Variants in CSNK2A2IP observed in about 807,000 individuals in gnomAD.
CSNK2A2IP encodes casein kinase II subunit alpha'-interacting protein.
the CSNK2A2IP span, chr3:88,338,759 A>C: frequency 1.6e-4 from 24 of 152,234 alleles, no homozygotes; most frequent in African/African-American, 5.8e-4. Flanking sequence ...TATTTTTTTC[A>C]GTATATGCTG....
At chr3:88,450,324 A>T in the CSNK2A2IP span, among the ~76,000 whole-genome samples, 4 of 152,242 alleles carry the variant, frequency 2.6e-5, no homozygotes, top group Middle Eastern at 3.4e-3. Flanking sequence ...AGCAGCTAAA[A>T]TCTACTCATT....
At chr3:88,410,848 G>T in the CSNK2A2IP span, among the ~76,000 whole-genome samples, 2 of 151,892 alleles carry the variant, frequency 1.3e-5, no homozygotes, top group Non-Finnish European at 2.9e-5. Flanking sequence ...ACTCTTTAAA[G>T]TAAAGACTTT....
the CSNK2A2IP span, among the ~76,000 whole-genome samples, chr3:88,354,382 T>C: frequency 6.6e-6 from 1 of 152,180 alleles, no homozygotes; most frequent in Non-Finnish European, 1.5e-5. Context: ...GCCATTACTA[T>C]TACTATTTTT....
chr3:88,355,528 C>T, the CSNK2A2IP span, among the ~76,000 whole-genome samples: 1 of 152,134 alleles, frequency 6.6e-6, no homozygotes, highest in Non-Finnish European at 1.5e-5. Flanking sequence ...CCTCTAGAAC[C>T]TGTACAGACT....
the CSNK2A2IP span, among the ~76,000 whole-genome samples, chr3:88,345,800 C>G: frequency 6.6e-6 from 1 of 152,020 alleles, no homozygotes; most frequent in South Asian, 2.1e-4. Flanking sequence ...CTACAATGAC[C>G]TCTAAAGTGT....
At chr3:88,416,088 T>C in the CSNK2A2IP span, among the ~76,000 whole-genome samples, 1 of 151,626 alleles carries the variant, frequency 6.6e-6, no homozygotes, top group African/African-American at 2.4e-5. Context: ...CTGGCCAACA[T>C]GGTGAAATCC....
chr3:88,350,708 A>G, the CSNK2A2IP span, among the ~76,000 whole-genome samples: 1 of 152,072 alleles, frequency 6.6e-6, no homozygotes, highest in Admixed American at 6.6e-5. Flanking sequence ...ATTACAACAA[A>G]TAACCAAAAT....
At chr3:88,449,614 T>C in the CSNK2A2IP span, among the ~76,000 whole-genome samples, 1 of 151,192 alleles carries the variant, frequency 6.6e-6, no homozygotes, top group African/African-American at 2.4e-5. Context: ...TGGATTGTGG[T>C]GCATGCTATT....
At chr3:88,413,221 A>G in the CSNK2A2IP span, among the ~76,000 whole-genome samples, 1 of 152,010 alleles carries the variant, frequency 6.6e-6, no homozygotes, top group Non-Finnish European at 1.5e-5. Flanking sequence ...GTTTGACCTG[A>G]ATCTAATGTT....
the CSNK2A2IP span, among the ~76,000 whole-genome samples, chr3:88,436,806 A>G: frequency 5.3e-5 from 8 of 152,166 alleles, no homozygotes; most frequent in Non-Finnish European, 1.0e-4. Context: ...GAACACAAAC[A>G]AACTCGAATT....
chr3:88,446,043 TTTC>T, the CSNK2A2IP span, among the ~76,000 whole-genome samples: 10 of 33,446 alleles, frequency 3.0e-4, no homozygotes, highest in African/African-American at 9.7e-4. Context: ...TCTTTCTTTC[TTTC>T]TTTCTTTCTT....
At chr3:88,342,356 G>A in the CSNK2A2IP span, among the ~76,000 whole-genome samples, 1 of 151,938 alleles carries the variant, frequency 6.6e-6, no homozygotes, top group Non-Finnish European at 1.5e-5. Context: ...CTGAGTTTTG[G>A]CCAGTGAAAT....
chr3:88,357,341 A>G, the CSNK2A2IP span, among the ~76,000 whole-genome samples: 1 of 151,968 alleles, frequency 6.6e-6, no homozygotes, highest in Non-Finnish European at 1.5e-5. Context: ...TTTTCTTAGC[A>G]GTGTATGTTC....
At chr3:88,455,101 T>TACAC in the CSNK2A2IP span, among the ~76,000 whole-genome samples, 32 of 151,500 alleles carry the variant, frequency 2.1e-4, no homozygotes, top group Non-Finnish European at 3.4e-4. Flanking sequence ...CCATTGTTTG[T>TACAC]ACACACACAC....
the CSNK2A2IP span, among the ~76,000 whole-genome samples, chr3:88,411,840 T>TAA: frequency 6.6e-6 from 1 of 150,936 alleles, no homozygotes; most frequent in African/African-American, 2.4e-5. Flanking sequence ...TTTATATTAT[T>TAA]AAATATATTT....
chr3:88,419,414 T>C, the CSNK2A2IP span, among the ~76,000 whole-genome samples: 1 of 152,194 alleles, frequency 6.6e-6, no homozygotes, highest in Non-Finnish European at 1.5e-5. Context: ...GCTCCATTCA[T>C]GCTGCTGCAA....
At chr3:88,453,592 C>T in the CSNK2A2IP span, among the ~76,000 whole-genome samples, 1 of 151,956 alleles carries the variant, frequency 6.6e-6, no homozygotes, top group African/African-American at 2.4e-5. Context: ...TTGGAAGGTC[C>T]ACCTATTTTT....
At chr3:88,371,405 C>T in the CSNK2A2IP span, among the ~76,000 whole-genome samples, 2 of 151,468 alleles carry the variant, frequency 1.3e-5, no homozygotes, top group South Asian at 4.1e-4. Flanking sequence ...TTGAAGATTA[C>T]CATAACTGAA....
chr3:88,350,095 T>C, the CSNK2A2IP span, among the ~76,000 whole-genome samples: 1 of 152,058 alleles, frequency 6.6e-6, no homozygotes, highest in African/African-American at 2.4e-5. Context: ...TTTCAGTATC[T>C]AAACACAGCC....
Sources: allele counts gnomAD v4.1 joint callset (sites outside exome capture counted in the v4.1 genomes callset), GRCh38; gene constraint gnomAD v4.1.1; transcripts MANE v1.5; gene names NCBI Gene and HGNC (gene_info 2026-07-23, HGNC 2026-07-21).